SLCO5A1: variants seen among roughly 807,000 people sequenced by gnomAD.
SLCO5A1 encodes the protein organic anion transporter polypeptide-related protein 4.
Under a neutral mutation model 65.1 loss-of-function variants are expected in SLCO5A1, and 39 were observed. The ratio of observed to expected loss-of-function variants is 0.60; its 90% confidence interval spans 0.46 to 0.78. The LOEUF is 0.78. Ranked by LOEUF, SLCO5A1 falls within the 30% of genes least tolerant of loss-of-function variation. The pLI is 0.00. For synonymous variants in SLCO5A1, 438 were observed against 415.7 expected (o/e 1.05, Z -0.65); for missense variants, 1,029 against 1,069.4 (o/e 0.96, Z 0.53).
At position 69,805,628 on chromosome 8, in the gene SLCO5A1, C is replaced by CA. The variant is rs1387516477; in HGVS notation, c.907+26138dup. Reference sequence around the variant, plus strand: ...CATTTTTCCTGCGGGTATAAAATTACAAAAAGACTTAGATTGCCAAACCAG... The same window carrying CA: ...CATTTTTCCTGCGGGTATAAAATTACAAAAAAGACTTAGATTGCCAAACCAG... On this transcript the variant is annotated intron_variant, in intron 2 of 9. Transcript: ENST00000260126. 3.9e-5 allele frequency among the ~76,000 whole-genome samples: 6 copies of CA among 152,252 alleles called. No homozygotes were observed. The East Asian group carries it at 1.2e-3, about 29-fold the overall frequency.
intron 2 of SLCO5A1, 129 bp downstream of exon 2, chr8:69,831,638 G>A (rs576572707): frequency 8.6e-6 from 9 of 1,045,886 alleles, no homozygotes; most frequent in South Asian, 8.5e-5. Context: ...AGGCTAAAAC[G>A]TAAAATAAAG....
intron 4 of SLCO5A1, among the ~76,000 whole-genome samples, chr8:69,740,821 C>A (rs939910654): frequency 3.3e-5 from 5 of 152,200 alleles, no homozygotes; most frequent in Non-Finnish European, 5.9e-5. Context: ...ATAGCCCAAT[C>A]TGGGACAATT....
intron 2 of SLCO5A1, among the ~76,000 whole-genome samples, chr8:69,769,729 G>T (rs1818232899): frequency 6.6e-6 from 1 of 152,088 alleles, no homozygotes; most frequent in African/African-American, 2.4e-5. Context: ...TGACAGGCTG[G>T]GGAGATGGGA....
chr8:69,741,312 A>T (rs903931146), intron 4 of SLCO5A1, among the ~76,000 whole-genome samples: 3 of 152,180 alleles, frequency 2.0e-5, no homozygotes, highest in African/African-American at 7.2e-5. Context: ...TAATGAATCA[A>T]CCCTATATAT....
chr8:69,781,331 A>G (rs1256341865), intron 2 of SLCO5A1, among the ~76,000 whole-genome samples: 1 of 152,248 alleles, frequency 6.6e-6, no homozygotes, highest in Non-Finnish European at 1.5e-5. Context: ...GATTTTATAG[A>G]CATTTGAGTG....
intron 5 of SLCO5A1, among the ~76,000 whole-genome samples, chr8:69,734,452 G>A (rs1333850209): frequency 6.6e-6 from 1 of 152,204 alleles, no homozygotes; most frequent in African/African-American, 2.4e-5. Flanking sequence ...AATAATCTCT[G>A]TGATCCAAAT....
intron 5 of SLCO5A1, among the ~76,000 whole-genome samples, chr8:69,706,483 C>A (rs1235662266): frequency 6.6e-6 from 1 of 152,092 alleles, no homozygotes; most frequent in Non-Finnish European, 1.5e-5. Context: ...GGAGGTGGGG[C>A]CTTTGGAAGG....
At chr8:69,691,025 GA>G (rs1434450933) in intron 6 of SLCO5A1, among the ~76,000 whole-genome samples, 1 of 152,154 alleles carries the variant, frequency 6.6e-6, no homozygotes, top group African/African-American at 2.4e-5. Context: ...ATTATTTGAA[GA>G]AAAGGCAGAG....
intron 5 of SLCO5A1, among the ~76,000 whole-genome samples, chr8:69,715,433 C>T (rs1404018668): frequency 6.6e-6 from 1 of 152,216 alleles, no homozygotes; most frequent in East Asian, 1.9e-4. Flanking sequence ...GGGCAAGATC[C>T]ATTTTCTGTC....
rs75650403 is a variant in SLCO5A1 at position 69,691,894 on chromosome 8, T to C, written c.1623-9551A>G. Among the ~76,000 whole-genome samples the C allele has an allele frequency of 4.8e-3, 733 of 152,278 alleles. 4 individuals carry two copies. The highest frequency in any genetic ancestry group is 7.6e-3 in the Non-Finnish European group (518 of 68,028). ...CGGCATATTTGTGTACTGAATACCA[T>C]AGGCAATTACAACACAATGGCAAGG... On this transcript the variant is annotated intron_variant, in intron 6 of 9. Transcript: ENST00000260126.
At chr8:69,684,627 T>C (rs1425772131) in intron 6 of SLCO5A1, among the ~76,000 whole-genome samples, 1 of 152,072 alleles carries the variant, frequency 6.6e-6, no homozygotes, top group African/African-American at 2.4e-5. Flanking sequence ...CCTTATTTTG[T>C]ATATAATTAA....
At chr8:69,677,547 A>G (rs1479860323) in intron 8 of SLCO5A1, among the ~76,000 whole-genome samples, 1 of 152,238 alleles carries the variant, frequency 6.6e-6, no homozygotes, top group Non-Finnish European at 1.5e-5. Context: ...AACTTTCCCA[A>G]GACCAGTGCC....
At chr8:69,721,830 G>A (rs960563073) in intron 5 of SLCO5A1, among the ~76,000 whole-genome samples, 1 of 151,984 alleles carries the variant, frequency 6.6e-6, no homozygotes, top group Non-Finnish European at 1.5e-5. Flanking sequence ...TATTGTCTTC[G>A]ATCCTGAGGT....
chr8:69,789,422 T>A (rs984071932), intron 2 of SLCO5A1, among the ~76,000 whole-genome samples: 1 of 152,222 alleles, frequency 6.6e-6, no homozygotes, highest in Non-Finnish European at 1.5e-5. Flanking sequence ...CCTTGAGGCA[T>A]CATCAAGTAA....
chr8:69,790,046 A>T (rs1819202262), intron 2 of SLCO5A1, among the ~76,000 whole-genome samples: 1 of 151,966 alleles, frequency 6.6e-6, no homozygotes, highest in Non-Finnish European at 1.5e-5. Context: ...TACAAAAATT[A>T]GCTGGGCATG....
chr8:69,800,585 C>G (rs1230751243), intron 2 of SLCO5A1, among the ~76,000 whole-genome samples: 2 of 151,996 alleles, frequency 1.3e-5, no homozygotes, highest in East Asian at 3.9e-4. Flanking sequence ...GATAGCTGTT[C>G]TCCCTTTGAT....
intron 2 of SLCO5A1, among the ~76,000 whole-genome samples, chr8:69,796,423 G>A (rs1233814660): frequency 2.6e-5 from 4 of 151,928 alleles, no homozygotes; most frequent in Non-Finnish European, 2.9e-5. Context: ...AGACCAGCCT[G>A]AGCAACACAG....
At chr8:69,676,582 G>A (rs773098011) in intron 9 of SLCO5A1, 27 bp downstream of exon 9, 2 of 1,602,376 alleles carry the variant, frequency 1.2e-6, no homozygotes, top group Admixed American at 3.4e-5. Flanking sequence ...GGAACTAAGA[G>A]GTACACTTGG....
At chr8:69,730,430 A>G (rs1222544510) in intron 5 of SLCO5A1, among the ~76,000 whole-genome samples, 1 of 152,222 alleles carries the variant, frequency 6.6e-6, no homozygotes, top group African/African-American at 2.4e-5. Flanking sequence ...ATTTTAGGGA[A>G]GGAAGAATTA....
Sources: gnomAD v4.1 joint callset for allele counts (sites outside exome capture counted in the v4.1 genomes callset) on GRCh38, gnomAD v4.1.1 for gene constraint, MANE v1.5 for transcripts, NCBI Gene and HGNC (gene_info 2026-07-23, HGNC 2026-07-21) for gene names.